The following PRKG1 variants were observed in gnomAD, a reference collection of about 807,000 sequenced individuals.
PRKG1 encodes the protein cGMP-dependent protein kinase 1.
In PRKG1, 35 loss-of-function variants were observed where a neutral mutation model predicts 88.1. The ratio of observed to expected loss-of-function variants is 0.40; its 90% CI spans 0.30 to 0.53. PRKG1 has a LOEUF of 0.53. Ranked by LOEUF, PRKG1 falls within the 20% of genes least tolerant of loss-of-function variation. PRKG1 has a pLI of 0.59. For missense variants in PRKG1, 540 were observed against 839.8 expected (o/e 0.64, Z 4.41); for synonymous variants, 303 against 292.5 (o/e 1.04, Z -0.37).
At chr10:51,115,227 T>C (rs911264649) in intron 1 of PRKG1, among the ~76,000 whole-genome samples, 12 of 137,600 alleles carry the variant, frequency 8.7e-5, no homozygotes, top group African/African-American at 3.0e-4. Flanking sequence ...GGCAGGAGAA[T>C]CACTTGAACC....
chr10:51,768,148 A>G (rs1213173554), intron 3 of PRKG1, among the ~76,000 whole-genome samples: 1 of 152,202 alleles, frequency 6.6e-6, no homozygotes, highest in East Asian at 1.9e-4. Flanking sequence ...CATGAAATGC[A>G]GATTTTTGCT....
chr10:51,059,684 A>T (rs1356781987), intron 1 of PRKG1, among the ~76,000 whole-genome samples: 1 of 152,196 alleles, frequency 6.6e-6, no homozygotes, highest in Admixed American at 6.5e-5. Context: ...GCAGCAAGAC[A>T]CCATGATTTT....
At chr10:51,813,261 A>G (rs766877297) in intron 4 of PRKG1, among the ~76,000 whole-genome samples, 3 of 152,238 alleles carry the variant, frequency 2.0e-5, no homozygotes, top group Admixed American at 6.5e-5. Context: ...AAAATGATGT[A>G]TGACATAACC....
intron 3 of PRKG1, among the ~76,000 whole-genome samples, chr10:51,622,799 T>A (rs575851532): frequency 6.6e-6 from 1 of 152,190 alleles, no homozygotes; most frequent in Non-Finnish European, 1.5e-5. Context: ...CCAATCATAT[T>A]TTTTAAGGAA....
At chr10:52,173,136 A>G (rs185331613) in intron 9 of PRKG1, among the ~76,000 whole-genome samples, 1 of 152,334 alleles carries the variant, frequency 6.6e-6, no homozygotes, top group Non-Finnish European at 1.5e-5. Flanking sequence ...AGGATCATGA[A>G]ATAATTTATA....
intron 7 of PRKG1, among the ~76,000 whole-genome samples, chr10:52,118,213 TTC>T (rs375379462): frequency 6.6e-6 from 1 of 152,202 alleles, no homozygotes; most frequent in East Asian, 1.9e-4. Flanking sequence ...AGTTCATATT[TTC>T]TCTGTTTAAA....
intron 9 of PRKG1, among the ~76,000 whole-genome samples, chr10:52,220,695 T>C (rs147330997): frequency 0.035 from 5,303 of 152,192 alleles, 173 homozygotes; most frequent in South Asian, 0.16. Context: ...TGTGTGAGTT[T>C]GCTAAGGATA....
intron 3 of PRKG1, among the ~76,000 whole-genome samples, chr10:51,638,886 A>G (rs1285546808): frequency 6.6e-6 from 1 of 152,232 alleles, no homozygotes; most frequent in Non-Finnish European, 1.5e-5. Flanking sequence ...ATGAATGAAA[A>G]TGAAATACCT....
intron 9 of PRKG1, among the ~76,000 whole-genome samples, chr10:52,184,378 C>A (rs1048050067): frequency 2.0e-5 from 3 of 152,132 alleles, no homozygotes; most frequent in Non-Finnish European, 4.4e-5. Context: ...TCATCCATAT[C>A]ATGATATATT....
At chr10:52,065,445 A>G (rs149009840) in intron 7 of PRKG1, among the ~76,000 whole-genome samples, 219 of 152,278 alleles carry the variant, frequency 1.4e-3, no homozygotes, top group African/African-American at 4.8e-3. Context: ...TTTTCTTCAA[A>G]GTACTTCTAA....
intron 2 of PRKG1, among the ~76,000 whole-genome samples, chr10:51,394,840 C>T (rs908189042): frequency 1.3e-5 from 2 of 152,168 alleles, no homozygotes; most frequent in African/African-American, 4.8e-5. Context: ...AGGTCTTCTT[C>T]CAGGACCCCT....
chr10:51,614,879 T>C (rs1413512544), intron 3 of PRKG1, among the ~76,000 whole-genome samples: 1 of 152,036 alleles, frequency 6.6e-6, no homozygotes, highest in Non-Finnish European at 1.5e-5. Flanking sequence ...CTTTTTCTGA[T>C]TATAGTATTC....
chr10:51,124,646 T>A (rs1344493797), intron 1 of PRKG1, among the ~76,000 whole-genome samples: 1 of 152,202 alleles, frequency 6.6e-6, no homozygotes, highest in East Asian at 1.9e-4. Flanking sequence ...TGAAAGATCT[T>A]ATGTATGAAA....
chr10:51,914,124 A>G lies in PRKG1; in HGVS notation c.762+6554A>G, dbSNP rs78479405. ...TCTCTATACATGAATTACATTTTTC[A>G]AATGGTTTGAAGAACCCCTAACTAA... is the stretch of plus-strand genomic sequence containing the variant. On this transcript the variant is annotated intron_variant, in intron 5 of 17. Coordinates refer to ENST00000373980, the MANE Select transcript of PRKG1 (RefSeq NM_006258.4). 5.9e-4 allele frequency among the ~76,000 whole-genome samples: 90 copies of G among 152,268 alleles called. 2 individuals are homozygous for G. In the East Asian group the frequency reaches 0.016, roughly 27 times the overall value.
chr10:51,735,877 A>ATG lies in PRKG1; in HGVS notation c.593-68707_593-68706insGT, dbSNP rs1292242827. On this transcript the variant is annotated intron_variant, in intron 3 of 17. Coordinates refer to ENST00000373980, the MANE Select transcript of PRKG1 (RefSeq NM_006258.4). ...TGCATATATATATATATATATATAT[A>ATG]TATGTATATTTATTTATTTATTTAT... Among the ~76,000 whole-genome samples, 3 of 115,664 alleles carry ATG rather than the reference A, an allele frequency of 2.6e-5. No individual in the cohort carries two copies. The East Asian group carries it at 6.8e-4, about 26-fold the overall frequency. The allele number at this position is 115,664 out of a possible 152,430, so 75.9% of individuals were successfully genotyped here. A position where few individuals can be genotyped will look rare whatever the true frequency, so the allele number is the denominator to read the frequency against.
intron 3 of PRKG1, among the ~76,000 whole-genome samples, chr10:51,743,765 T>TATATATATATATATATATATA: frequency 7.5e-6 from 1 of 132,914 alleles, no homozygotes; most frequent in Non-Finnish European, 1.6e-5. Flanking sequence ...TATATATATA[T>TATATATATATATATATATATA]TTAGTTGCCT....
intron 2 of PRKG1, among the ~76,000 whole-genome samples, chr10:51,160,356 T>C (rs770349563): frequency 6.6e-6 from 1 of 152,210 alleles, no homozygotes; most frequent in Non-Finnish European, 1.5e-5. Context: ...TAATTTTCTG[T>C]TATTTTGCTC....
chr10:51,120,282 T>G (rs941866070), intron 1 of PRKG1, among the ~76,000 whole-genome samples: 1 of 152,084 alleles, frequency 6.6e-6, no homozygotes, highest in South Asian at 2.1e-4. Flanking sequence ...ATATGAATAT[T>G]AGGGAGGGCA....
chr10:51,242,204 C>T (rs150278398), intron 2 of PRKG1, among the ~76,000 whole-genome samples: 84 of 152,092 alleles, frequency 5.5e-4, no homozygotes, highest in African/African-American at 1.7e-3. Context: ...AATAACCAAG[C>T]GCAAGTGTCA....
Sources: allele counts gnomAD v4.1 joint callset (sites outside exome capture counted in the v4.1 genomes callset), GRCh38; gene constraint gnomAD v4.1.1; transcripts MANE v1.5; gene names NCBI Gene and HGNC (gene_info 2026-07-23, HGNC 2026-07-21).